UBR1: variants seen among roughly 807,000 people sequenced by gnomAD.
The protein encoded by UBR1 is ubiquitin protein ligase E3 component n-recognin 1.
In UBR1, 102 loss-of-function variants were observed where a neutral mutation model predicts 242.1. The ratio of observed to expected loss-of-function variants is 0.42; its 90% CI spans 0.36 to 0.50. The LOEUF (loss-of-function observed/expected upper bound fraction) is 0.50, where lower values mean the gene tolerates loss of function less well. Ranked by LOEUF, UBR1 falls within the 20% of genes least tolerant of loss-of-function variation. UBR1 has a pLI of 0.01. For missense variants in UBR1, 1,772 were observed against 2,101.8 expected (o/e 0.84, Z 3.07); for synonymous variants, 675 against 684.8 (o/e 0.99, Z 0.22).
chr15:43,096,299 G>A lies in UBR1; in HGVS notation c.81+9643C>T, dbSNP rs951013719. Among the ~76,000 whole-genome samples the A allele has an allele frequency of 1.1e-4, 17 of 151,838 alleles. No individual in the cohort carries two copies. In the South Asian group the frequency reaches 3.1e-3, roughly 28 times the overall value. On this transcript the variant is annotated intron_variant, in intron 1 of 46. Coordinates refer to ENST00000290650, the MANE Select transcript of UBR1 (RefSeq NM_174916.3). Reference sequence around the variant, plus strand: ...AGCAATTCTCCTGCCTCAGTCTCCCGAGTAGCTGGGATTACAGGCGCCTGG... The same window carrying A: ...AGCAATTCTCCTGCCTCAGTCTCCCAAGTAGCTGGGATTACAGGCGCCTGG...
chr15:43,061,142 A>C (rs2033679230), intron 6 of UBR1, among the ~76,000 whole-genome samples: 1 of 152,228 alleles, frequency 6.6e-6, no homozygotes, highest in African/African-American at 2.4e-5. Context: ...TCAAAAAATA[A>C]GAAGGGAGTT....
chr15:43,000,680 A>G (rs900532857), intron 32 of UBR1, among the ~76,000 whole-genome samples: 1 of 152,242 alleles, frequency 6.6e-6, no homozygotes. Context: ...TAATTAAATA[A>G]GATAATGCAG....
rs1157559388 is a variant in UBR1 at position 43,070,791 on chromosome 15, C to T, written c.659+4G>A. ...AACTTGTTCCGTTTGACAGTTTTCCCCACCTTATCTGGAGTTCAGGAGGCA... is the reference window on the plus strand; with the variant it reads ...AACTTGTTCCGTTTGACAGTTTTCCTCACCTTATCTGGAGTTCAGGAGGCA... On this transcript the variant is annotated splice_donor_region_variant and intron_variant, in intron 5 of 46. Transcript: ENST00000290650. 2 of 1,612,946 alleles carry T rather than the reference C, an allele frequency of 1.2e-6. No homozygotes were observed. Among genetic ancestry groups the T allele is most frequent in the Non-Finnish European group, 1.7e-6 (2 of 1,179,940 alleles).
At chr15:43,054,617 G>C (rs1459897522) in intron 12 of UBR1, 125 bp downstream of exon 12, 7 of 1,068,828 alleles carry the variant, frequency 6.5e-6, no homozygotes, top group Non-Finnish European at 1.0e-5. Flanking sequence ...ACAGTTCTTT[G>C]TACTTGCCAT....
intron 9 of UBR1, 74 bp downstream of exon 9, chr15:43,059,011 A>C: frequency 8.8e-7 from 1 of 1,136,358 alleles, no homozygotes; most frequent in Non-Finnish European, 1.3e-6. Flanking sequence ...TAAACAAAAG[A>C]TATTACAGCT....
chr15:43,025,024 G>A (rs761446093), intron 24 of UBR1, 41 bp from the exon 25 acceptor site: 39 of 1,609,228 alleles, frequency 2.4e-5, no homozygotes, highest in Middle Eastern at 1.7e-4. Flanking sequence ...AGACAAACAG[G>A]TACATTTTTA....
intron 3 of UBR1, among the ~76,000 whole-genome samples, chr15:43,076,242 G>C (rs1490089158): frequency 6.7e-6 from 1 of 149,914 alleles, no homozygotes; most frequent in South Asian, 2.2e-4. Context: ...TCGGCCTCCC[G>C]AGGCGCCGGG....
chr15:42,997,850 C>G (rs2032663426), intron 33 of UBR1, among the ~76,000 whole-genome samples: 1 of 152,132 alleles, frequency 6.6e-6, no homozygotes, highest in Admixed American at 6.5e-5. Flanking sequence ...TGCCCAAGAT[C>G]ACATAATCAG....
At chr15:43,082,544 C>T in intron 3 of UBR1, 94 bp downstream of exon 3, 1 of 912,076 alleles carries the variant, frequency 1.1e-6, no homozygotes, top group East Asian at 2.6e-5. Context: ...CATATCAGAG[C>T]TGTTATAGCA....
chr15:42,996,743 A>G (rs2032646936), intron 33 of UBR1, among the ~76,000 whole-genome samples: 1 of 152,362 alleles, frequency 6.6e-6, no homozygotes, highest in South Asian at 2.1e-4. Context: ...CTGAAAGGAC[A>G]TAATTAAATC....
chr15:43,095,742 A>T (rs2034152145), intron 1 of UBR1, among the ~76,000 whole-genome samples: 1 of 152,184 alleles, frequency 6.6e-6, no homozygotes, highest in African/African-American at 2.4e-5. Context: ...AAGGAAAATT[A>T]TTTCACAGAG....
chr15:43,042,329 C>T (rs1034717658), intron 15 of UBR1, among the ~76,000 whole-genome samples: 1 of 151,834 alleles, frequency 6.6e-6, no homozygotes, highest in Non-Finnish European at 1.5e-5. Flanking sequence ...TATATTCATA[C>T]AATGGAATAT....
At chr15:43,041,002 A>C (rs2033410890) in intron 15 of UBR1, among the ~76,000 whole-genome samples, 2 of 152,192 alleles carry the variant, frequency 1.3e-5, no homozygotes, top group African/African-American at 4.8e-5. Context: ...GTGGGACTGT[A>C]AACTGGTTCA....
chr15:43,085,920 CAAAAAAAA>C lies in UBR1; in HGVS notation c.338+56_338+63del, dbSNP rs77056940. 2.2e-5 allele frequency: 27 copies of C among 1,247,834 alleles called. No homozygotes were observed. The Admixed American group carries it at 3.1e-4, about 14-fold the overall frequency. 77.3% of individuals were successfully genotyped at this position (1,247,834 alleles called of 1,614,324 possible). On this transcript the variant is annotated intron_variant, in intron 2 of 46. Coordinates refer to ENST00000290650, the MANE Select transcript of UBR1 (RefSeq NM_174916.3). ...TGGGTCACACAGCAAGACTCTGTTT[CAAAAAAAA>C]AAAAAAAAAAGGATTTTAATAATTA...
chr15:43,083,376 A>T (rs1427972328), intron 2 of UBR1, among the ~76,000 whole-genome samples: 4 of 151,624 alleles, frequency 2.6e-5, no homozygotes, highest in East Asian at 3.9e-4. Context: ...CAGGATTATT[A>T]TTTTTTTTTC....
chr15:43,050,447 C>T (rs978616062), intron 12 of UBR1, among the ~76,000 whole-genome samples: 4 of 152,080 alleles, frequency 2.6e-5, no homozygotes, highest in South Asian at 4.1e-4. Flanking sequence ...CAGTGGCTCA[C>T]GCCTGTAATC....
At chr15:42,997,160 C>T (rs2141281691) in intron 33 of UBR1, among the ~76,000 whole-genome samples, 1 of 152,300 alleles carries the variant, frequency 6.6e-6, no homozygotes, top group African/African-American at 2.4e-5. Flanking sequence ...ACATTAGATT[C>T]TCATAGGAGC....
At chr15:42,985,623 G>C (rs1275616721) in intron 35 of UBR1, among the ~76,000 whole-genome samples, 5 of 152,146 alleles carry the variant, frequency 3.3e-5, no homozygotes, top group Non-Finnish European at 7.4e-5. Context: ...AAAGTGCTGG[G>C]ATTACAGGCG....
intron 38 of UBR1, among the ~76,000 whole-genome samples, chr15:42,977,256 G>T (rs1376388808): frequency 6.6e-6 from 1 of 152,150 alleles, no homozygotes; most frequent in African/African-American, 2.4e-5. Context: ...AGTTCCCCAG[G>T]AGATTCCAAA....
Sources: allele counts gnomAD v4.1 joint callset (sites outside exome capture counted in the v4.1 genomes callset), GRCh38; gene constraint gnomAD v4.1.1; transcripts MANE v1.5; gene names NCBI Gene and HGNC (gene_info 2026-07-23, HGNC 2026-07-21).